TTF2: variants seen among roughly 807,000 people sequenced by gnomAD.
TTF2 encodes the protein RNA polymerase II termination factor.
In TTF2, 108 loss-of-function variants were observed where a neutral mutation model predicts 142.4. The observed-to-expected ratio is 0.76, with a 90% CI of 0.65 to 0.89. TTF2 has a LOEUF of 0.89. Ranked by LOEUF, TTF2 falls within the 40% of genes least tolerant of loss-of-function variation. The pLI is 0.00. For missense variants in TTF2, 1,327 were observed against 1,379.8 expected, an observed-to-expected ratio of 0.96 and a Z score of 0.61; for synonymous variants, 483 against 506.2, an observed-to-expected ratio of 0.95 and a Z score of 0.61.
chr1:117,086,307 G>C lies in TTF2; in HGVS notation c.2055-110G>C, dbSNP rs1007364991. The C allele has an allele frequency of 5.7e-6, 4 of 697,860 alleles. No individual in the cohort carries two copies. The highest frequency in any genetic ancestry group is 1.0e-5 in the Non-Finnish European group (4 of 391,940). 43.2% of individuals were successfully genotyped at this position (697,860 alleles called of 1,614,324 possible). ...TTAAGGACACAAGTTAATGAGTTCT[G>C]CTGTTTGTCCTTCCATTTGTAGGCA... On this transcript the variant is annotated intron_variant, in intron 11 of 22. Coordinates refer to ENST00000369466, the MANE Select transcript of TTF2 (RefSeq NM_003594.4). This position sits in a 1 kb window ranked among gnomAD's most constrained non-coding sequence, Gnocchi z 4.2.
In TTF2 at chr1:117,097,543, G is replaced by C. The variant is rs1050294284; in HGVS notation, c.3269+110G>C. 2 of 995,314 alleles carry C rather than the reference G, an allele frequency of 2.0e-6. No homozygotes were observed. 61.7% of individuals were successfully genotyped at this position (995,314 alleles called of 1,614,324 possible). ...TGTTGATTGCTGTGTTCGTATTGCA[G>C]AGATGCCTTGCTTTGTATGTGTCTA... On this transcript the variant is annotated intron_variant, in intron 21 of 22. Coordinates refer to ENST00000369466, the MANE Select transcript of TTF2 (RefSeq NM_003594.4). The surrounding 1 kb of genome is among the most constrained non-coding windows in gnomAD (Gnocchi z 4.1).
In TTF2 at chr1:117,096,185, T is replaced by C. The variant is rs772299340; in HGVS notation, c.3072T>C (p.Val1024=). 6.2e-7 allele frequency: 1 copy of C among 1,614,118 alleles called. No homozygotes were observed. Among genetic ancestry groups the C allele is most frequent in the Non-Finnish European group, 8.5e-7 (1 of 1,180,022 alleles). The change falls in exon 20 of 23, where the codon GTT becomes GTC. Residue 1024 remains valine, a synonymous_variant. Transcript: ENST00000369466. ...IVSQWTNMLK[V]VALHLKKHGL... is the part of the protein sequence containing the mutation. ...CTCAGTGGACCAACATGCTGAAAGT[T>C]GTAGCATTGCACCTGAAGAAGCATG...
chr1:117,105,414 C>T lies in TTF2; in HGVS notation c.*3890C>T, dbSNP rs908937705. 1 of 152,196 alleles carries T rather than the reference C, an allele frequency of 6.6e-6. No homozygotes were observed. Among genetic ancestry groups the T allele is most frequent in the African/African-American group, 2.4e-5 (1 of 41,412 alleles). The allele number at this position is 152,196 out of a possible 1,614,324, so 9.4% of individuals were successfully genotyped here. A position where few individuals can be genotyped will look rare whatever the true frequency, so the allele number is the denominator to read the frequency against. The stretch of plus-strand genomic sequence containing the variant: ...ACAGAGTCCTGGGCCCTTTAAAAAC[C>T]TTGTCAGTGACTCCCATTGCAGGCC... On this transcript the variant is annotated 3_prime_UTR_variant, in exon 23 of 23. Transcript: ENST00000369466. The surrounding 1 kb of genome is among the most constrained non-coding windows in gnomAD (Gnocchi z 4.7).
chr1:117,068,475 A>G (rs1442979035), intron 3 of TTF2, among the ~76,000 whole-genome samples: 1 of 151,914 alleles, frequency 6.6e-6, no homozygotes, highest in African/African-American at 2.4e-5. Context: ...ACACACCAAC[A>G]TGGCACATGC....
rs972936333 is a variant in TTF2, at chr1:117,104,526, T to C, written c.*3002T>C. Reference sequence around the variant, plus strand: ...CATTGACAAGTAATCTACTGTAAGGTAGATGCCTCCTGGTATTTTAAAACA... The same window carrying C: ...CATTGACAAGTAATCTACTGTAAGGCAGATGCCTCCTGGTATTTTAAAACA... On this transcript the variant is annotated 3_prime_UTR_variant, in exon 23 of 23. Coordinates refer to ENST00000369466, the MANE Select transcript of TTF2 (RefSeq NM_003594.4). The C allele has an allele frequency of 7.9e-5, 12 of 152,218 alleles. No individual in the cohort carries two copies. Among genetic ancestry groups the C allele is most frequent in the African/African-American group, 2.9e-4 (12 of 41,458 alleles). The allele number at this position is 152,218 out of a possible 1,614,324, so 9.4% of individuals were successfully genotyped here.
chr1:117,077,877 A>G (rs1338145911), intron 7 of TTF2, 39 bp from the exon 8 acceptor site: 3 of 1,611,560 alleles, frequency 1.9e-6, no homozygotes, highest in South Asian at 1.1e-5. Flanking sequence ...AAGAAAACAT[A>G]CTTGTGACAT....
chr1:117,082,831 A>T (rs1647645809), intron 10 of TTF2, among the ~76,000 whole-genome samples: 2 of 152,210 alleles, frequency 1.3e-5, no homozygotes, highest in African/African-American at 4.8e-5. Flanking sequence ...TCTTAAAAAA[A>T]ATTAAATAAA....
intron 18 of TTF2, among the ~76,000 whole-genome samples, chr1:117,094,999 G>A (rs536833707): frequency 1.4e-4 from 21 of 152,230 alleles, no homozygotes; most frequent in South Asian, 8.3e-4. Flanking sequence ...TTGCTGTGTC[G>A]TTTGAGGAGG....
Position 117,101,263 on chromosome 1 carries a change from A to T in TTF2, c.3345-117A>T. 1 of 1,123,140 alleles carries T rather than the reference A, an allele frequency of 8.9e-7. No individual in the cohort carries two copies. The highest frequency in any genetic ancestry group is 1.2e-6 in the Non-Finnish European group (1 of 815,912). 69.6% of individuals were successfully genotyped at this position (1,123,140 alleles called of 1,614,324 possible). A position where few individuals can be genotyped will look rare whatever the true frequency, so the allele number is the denominator to read the frequency against. ...ACAGGGTTCTTAACTGGACCTAAGA[A>T]GACTTAAAGGAAGAAATCTCATTAA... On this transcript the variant is annotated intron_variant, in intron 22 of 22. Transcript: ENST00000369466. The surrounding 1 kb of genome is among the most constrained non-coding windows in gnomAD (Gnocchi z 5.9).
chr1:117,062,914 C>T (rs963435617), intron 3 of TTF2, among the ~76,000 whole-genome samples: 3 of 152,054 alleles, frequency 2.0e-5, no homozygotes, highest in Non-Finnish European at 4.4e-5. Context: ...ATATTTGTCA[C>T]GAGTATTCAA....
At position 117,092,031 on chromosome 1, in the gene TTF2, G is replaced by A; in HGVS notation, c.2805+81G>A. 1.4e-6 allele frequency: 2 copies of A among 1,413,294 alleles called. No individual in the cohort carries two copies. The highest frequency in any genetic ancestry group is 2.4e-5 in the East Asian group (1 of 41,002). The allele number at this position is 1,413,294 out of a possible 1,614,324, so 87.5% of individuals were successfully genotyped here. A position where few individuals can be genotyped will look rare whatever the true frequency, so the allele number is the denominator to read the frequency against. On this transcript the variant is annotated intron_variant, in intron 17 of 22. Transcript: ENST00000369466. This position sits in a 1 kb window ranked among gnomAD's most constrained non-coding sequence, Gnocchi z 4.4. ...AGTCAATTTCACTCTCCTCCAACTG[G>A]AATCCAGTCTGCTTGATCAAAGGAA...
intron 3 of TTF2, among the ~76,000 whole-genome samples, chr1:117,072,059 G>C (rs976474922): frequency 1.3e-5 from 2 of 152,136 alleles, no homozygotes; most frequent in African/African-American, 4.8e-5. Flanking sequence ...CCTTTGGATG[G>C]AGAGTAGTAC....
intron 3 of TTF2, among the ~76,000 whole-genome samples, chr1:117,072,176 A>G (rs1656630619): frequency 6.6e-6 from 1 of 152,072 alleles, no homozygotes; most frequent in Non-Finnish European, 1.5e-5. Flanking sequence ...GTGTGCAGGA[A>G]CTTTCTTGCA....
Position 117,076,352 on chromosome 1 carries a change from G to A in TTF2, c.1390+58G>A, listed in dbSNP as rs1467645. 70,249 of 1,365,730 alleles carry A rather than the reference G, an allele frequency of 0.051. 3,205 individuals are homozygous for A. Among genetic ancestry groups the A allele is most frequent in the African/African-American group, 0.19 (13,137 of 68,802 alleles). The allele number at this position is 1,365,730 out of a possible 1,614,324, so 84.6% of individuals were successfully genotyped here. On this transcript the variant is annotated intron_variant, in intron 6 of 22. Transcript: ENST00000369466. The surrounding 1 kb of genome is among the most constrained non-coding windows in gnomAD (Gnocchi z 4.6). ...TGCATCGACTTTACAAGAGACATTC[G>A]GGAAGCCCTTTTAATAAAGAATGTG...
rs753637916 is a variant in TTF2 at position 117,080,468 on chromosome 1, A to G, written c.1783+819A>G. Among the ~76,000 whole-genome samples the G allele has an allele frequency of 1.3e-5, 2 of 152,216 alleles. No homozygotes were observed. Among genetic ancestry groups the G allele is most frequent in the Non-Finnish European group, 2.9e-5 (2 of 68,038 alleles). ...TCTAAAGCTGCTTATACCTGAATTAAAGATGTTTATGAGTACATCTGATAT... is the reference window on the plus strand; with the variant it reads ...TCTAAAGCTGCTTATACCTGAATTAGAGATGTTTATGAGTACATCTGATAT... On this transcript the variant is annotated intron_variant, in intron 9 of 22. Transcript: ENST00000369466. The surrounding 1 kb of genome is among the most constrained non-coding windows in gnomAD (Gnocchi z 4.3).
rs1156755070 is a variant in TTF2 at position 117,096,441 on chromosome 1, T to TG, written c.3186+142_3186+143insG. The stretch of plus-strand genomic sequence containing the variant: ...TGCCCAGGCTGGACTGCAATAGTGC[T>TG]ATCTTGGCTCACCGCAACCTCCGCC... On this transcript the variant is annotated intron_variant, in intron 20 of 22. Coordinates refer to ENST00000369466, the MANE Select transcript of TTF2 (RefSeq NM_003594.4). 5.6e-6 allele frequency: 6 copies of TG among 1,071,346 alleles called. No homozygotes were observed. The African/African-American group carries it at 8.0e-5, about 14-fold the overall frequency. The allele number at this position is 1,071,346 out of a possible 1,614,324, so 66.4% of individuals were successfully genotyped here.
At chr1:117,089,250 C>CTATATAT (rs1557824248) in intron 13 of TTF2, among the ~76,000 whole-genome samples, 1 of 85,168 alleles carries the variant, frequency 1.2e-5, no homozygotes, top group East Asian at 3.7e-4. Context: ...AAAATATATG[C>CTATATAT]AAATATATGC....
At chr1:117,066,610 A>G (rs1287619667) in intron 3 of TTF2, among the ~76,000 whole-genome samples, 1 of 151,004 alleles carries the variant, frequency 6.6e-6, no homozygotes, top group Non-Finnish European at 1.5e-5. Context: ...TAATGTGTTT[A>G]CGTTAAGCAG....
intron 9 of TTF2, 81 bp from the exon 10 acceptor site, chr1:117,081,747 G>A: frequency 6.6e-7 from 1 of 1,523,902 alleles, no homozygotes; most frequent in Non-Finnish European, 8.9e-7. Context: ...GGAAATGTCT[G>A]CCAGTGGTTT....
Sources: allele counts gnomAD v4.1 joint callset (sites outside exome capture counted in the v4.1 genomes callset), GRCh38; gene constraint gnomAD v4.1.1; non-coding constraint Gnocchi (gnomAD v3.1); transcripts MANE v1.5; gene names NCBI Gene and HGNC (gene_info 2026-07-23, HGNC 2026-07-21).